FRS2: variants seen among roughly 807,000 people sequenced by gnomAD.
The protein encoded by FRS2 is fibroblast growth factor receptor substrate 2.
In FRS2, 8 loss-of-function variants were observed where a neutral mutation model predicts 43.9. The ratio of observed to expected loss-of-function variants is 0.18; its 90% CI spans 0.11 to 0.33. The LOEUF (loss-of-function observed/expected upper bound fraction) is 0.33. Ranked by LOEUF, FRS2 falls within the 10% of genes least tolerant of loss-of-function variation. The pLI is 1.00. For synonymous variants in FRS2, 219 were observed against 220.3 expected (o/e 0.99, Z 0.05); for missense variants, 534 against 627.6 (o/e 0.85, Z 1.59).
chr12:69,515,215 A>G (rs1874874215), intron 1 of FRS2, among the ~76,000 whole-genome samples: 2 of 152,240 alleles, frequency 1.3e-5, no homozygotes, highest in South Asian at 4.1e-4. Context: ...GTCCTGATGC[A>G]TTTAGCTCAA....
intron 1 of FRS2, among the ~76,000 whole-genome samples, chr12:69,522,189 T>TG (rs879924576): frequency 1.3e-4 from 18 of 138,790 alleles, no homozygotes; most frequent in African/African-American, 3.1e-4. Context: ...TGAAGTTTTC[T>TG]TTGTGTGTGT....
chr12:69,574,320 G>GCAC lies in FRS2; in HGVS notation c.894_896dup (p.Pro299dup), dbSNP rs1565786806. 1.2e-6 allele frequency: 2 copies of GCAC among 1,613,940 alleles called. No individual in the cohort carries two copies. Among genetic ancestry groups the GCAC allele is most frequent in the African/African-American group, 2.7e-5 (2 of 74,940 alleles). On this transcript the variant is annotated inframe_insertion, in exon 9 of 9. Coordinates refer to ENST00000549921, the MANE Select transcript of FRS2 (RefSeq NM_001278356.2). ...CTATGACAGTGATGAACGAAGAGAT[G>GCAC]CACCCTCTGTTAACAAACTGGTGTA...
chr12:69,515,555 T>C (rs1243995429), intron 1 of FRS2, among the ~76,000 whole-genome samples: 1 of 151,910 alleles, frequency 6.6e-6, no homozygotes, highest in Non-Finnish European at 1.5e-5. Context: ...GGGAAAAACA[T>C]CCCTCGCGCT....
intron 3 of FRS2, among the ~76,000 whole-genome samples, chr12:69,534,420 G>A (rs142833077): frequency 6.6e-6 from 1 of 152,244 alleles, no homozygotes; most frequent in East Asian, 1.9e-4. Context: ...TTGCTGCCAC[G>A]TAACAAAAGT....
intron 2 of FRS2, among the ~76,000 whole-genome samples, chr12:69,531,287 A>G: frequency 6.6e-6 from 1 of 151,558 alleles, no homozygotes; most frequent in Admixed American, 6.6e-5. Context: ...CTGAGATTGC[A>G]CCACTGCACT....
intron 3 of FRS2, among the ~76,000 whole-genome samples, chr12:69,546,668 G>T (rs555102714): frequency 1.9e-4 from 29 of 152,070 alleles, no homozygotes; most frequent in Non-Finnish European, 3.4e-4. Context: ...TGGGATTACA[G>T]GTGTGAGCCA....
intron 4 of FRS2, among the ~76,000 whole-genome samples, chr12:69,563,170 G>A (rs968151356): frequency 3.3e-5 from 5 of 152,126 alleles, no homozygotes; most frequent in African/African-American, 1.2e-4. Context: ...GTGTCACATA[G>A]CTCAGATGTA....
chr12:69,540,134 T>G (rs1450985038), intron 3 of FRS2, among the ~76,000 whole-genome samples: 2 of 151,178 alleles, frequency 1.3e-5, no homozygotes, highest in African/African-American at 4.9e-5. Context: ...GCGCCTGTAG[T>G]TCCAGCTACT....
intron 3 of FRS2, among the ~76,000 whole-genome samples, chr12:69,543,808 G>A (rs1298225380): frequency 6.6e-6 from 1 of 152,168 alleles, no homozygotes; most frequent in Non-Finnish European, 1.5e-5. Context: ...CAGCAAGGAG[G>A]CCACTGTGGC....
At chr12:69,500,152 G>T (rs1468287077) in intron 1 of FRS2, among the ~76,000 whole-genome samples, 1 of 151,636 alleles carries the variant, frequency 6.6e-6, no homozygotes, top group South Asian at 2.1e-4. Context: ...CGAAATAATG[G>T]TATTAACTTT....
At chr12:69,552,817 A>G (rs1879010669) in intron 3 of FRS2, among the ~76,000 whole-genome samples, 1 of 151,256 alleles carries the variant, frequency 6.6e-6, no homozygotes, top group Non-Finnish European at 1.5e-5. Context: ...GCTTGAACCC[A>G]GGGGGCAGAG....
At chr12:69,540,541 A>G (rs961712328) in intron 3 of FRS2, among the ~76,000 whole-genome samples, 19 of 152,230 alleles carry the variant, frequency 1.2e-4, no homozygotes, top group African/African-American at 4.6e-4. Context: ...TGAATAAATG[A>G]TTGAATAAAT....
chr12:69,525,402 T>G (rs1592989595), intron 1 of FRS2, among the ~76,000 whole-genome samples: 1 of 152,194 alleles, frequency 6.6e-6, no homozygotes, highest in East Asian at 1.9e-4. Flanking sequence ...ACAATACATA[T>G]CTATGTGCTC....
rs1194377826 is a variant in FRS2 at position 69,538,223 on chromosome 12, A to ATATATATATG, written c.-122+6167_-122+6168insTATATATATG. Among the ~76,000 whole-genome samples the ATATATATATG allele has an allele frequency of 1.3e-3, 126 of 100,174 alleles. 3 individuals are homozygous for ATATATATATG. The highest frequency in any genetic ancestry group is 5.2e-3 in the African/African-American group (118 of 22,686). 65.7% of individuals were successfully genotyped at this position (100,174 alleles called of 152,430 possible). A position where few individuals can be genotyped will look rare whatever the true frequency, so the allele number is the denominator to read the frequency against. On this transcript the variant is annotated intron_variant, in intron 3 of 8. Coordinates refer to ENST00000549921, the MANE Select transcript of FRS2 (RefSeq NM_001278356.2). ...TATATATATATATATATATATATAT[A>ATATATATATG]GCATTGCAGATTATATATATATATA...
chr12:69,484,468 G>C (rs1277041040), intron 1 of FRS2, among the ~76,000 whole-genome samples: 1 of 152,172 alleles, frequency 6.6e-6, no homozygotes, highest in Non-Finnish European at 1.5e-5. Flanking sequence ...TTAGCTTACA[G>C]GTTTACCTAC....
chr12:69,550,143 T>C (rs921505068), intron 3 of FRS2, among the ~76,000 whole-genome samples: 8 of 152,224 alleles, frequency 5.3e-5, no homozygotes, highest in African/African-American at 1.9e-4. Context: ...TTCTAAATCT[T>C]GTGTCCTTCC....
At position 69,547,830 on chromosome 12, in the gene FRS2, C is replaced by CTTTTTTTTTT. The variant is rs71094722; in HGVS notation, c.-121-14333_-121-14324dup. On this transcript the variant is annotated intron_variant, in intron 3 of 8. Transcript: ENST00000549921. The stretch of plus-strand genomic sequence containing the variant: ...TTTTAGAAAAATGTATCCATTAATA[C>CTTTTTTTTTT]TTTTTTTTTTTTTTTTTTTTTTTTT... Among the ~76,000 whole-genome samples the CTTTTTTTTTT allele has an allele frequency of 9.7e-5, 10 of 102,778 alleles. 1 individual carries two copies. Among genetic ancestry groups the CTTTTTTTTTT allele is most frequent in the African/African-American group, 1.8e-4 (5 of 27,860 alleles). The allele number at this position is 102,778 out of a possible 152,430, so 67.4% of individuals were successfully genotyped here.
At chr12:69,543,428 G>A (rs1285976179) in intron 3 of FRS2, among the ~76,000 whole-genome samples, 1 of 152,140 alleles carries the variant, frequency 6.6e-6, no homozygotes. Flanking sequence ...AGGCACCAAG[G>A]ATATTTCGTT....
At position 69,510,478 on chromosome 12, in the gene FRS2, T is replaced by G. The variant is rs1874355037; in HGVS notation, c.-260-20387T>G. On this transcript the variant is annotated intron_variant, in intron 1 of 8. Transcript: ENST00000549921. ...ACAGTTCTTGGCCCATGATAGATAA[T>G]AAATAATTATTTACTAAATAAATAA... Among the ~76,000 whole-genome samples the G allele has an allele frequency of 2.6e-5, 4 of 152,200 alleles. No individual in the cohort carries two copies. The South Asian group carries it at 8.3e-4, about 32-fold the overall frequency.
Sources: gnomAD v4.1 joint callset for allele counts (sites outside exome capture counted in the v4.1 genomes callset) on GRCh38, gnomAD v4.1.1 for gene constraint, MANE v1.5 for transcripts, NCBI Gene and HGNC (gene_info 2026-07-23, HGNC 2026-07-21) for gene names.